Variants in VPS25 observed in about 807,000 individuals in gnomAD.
VPS25 encodes vacuolar protein sorting 25 homolog, also known as vacuolar protein-sorting-associated protein 25.
In VPS25, 21 loss-of-function variants were observed where a neutral mutation model predicts 30.3. The observed-to-expected ratio is 0.69, with a 90% confidence interval of 0.49 to 1.00. The LOEUF (loss-of-function observed/expected upper bound fraction) is 1.00. Ranked by LOEUF, VPS25 falls within the 50% of genes least tolerant of loss-of-function variation. The pLI, the probability that VPS25 is intolerant of heterozygous loss-of-function variation, is 0.00. For missense variants in VPS25, 156 were observed against 217.2 expected (o/e 0.72, Z 1.77); for synonymous variants, 101 against 88.1 (o/e 1.15, Z -0.82).
At position 42,773,597 on chromosome 17, in the gene VPS25, G is replaced by C. The variant is rs376779900; in HGVS notation, c.53+69G>C. On this transcript the variant is annotated intron_variant, in intron 1 of 5. Coordinates refer to ENST00000253794, the MANE Select transcript of VPS25 (RefSeq NM_032353.4). ...TCCCCCGGACCCTGGGCTCAGCCCTGATGCTTCATATGGGGAGGGGGAGAA... is the reference window on the plus strand; with the variant it reads ...TCCCCCGGACCCTGGGCTCAGCCCTCATGCTTCATATGGGGAGGGGGAGAA... The C allele has an allele frequency of 1.0e-3, 1,617 of 1,611,244 alleles. 1 individual carries two copies. The highest frequency in any genetic ancestry group is 1.2e-3 in the Non-Finnish European group (1,449 of 1,177,510).
chr17:42,777,216 C>T (rs1407653442), intron 5 of VPS25, among the ~76,000 whole-genome samples: 1 of 151,670 alleles, frequency 6.6e-6, no homozygotes, highest in African/African-American at 2.4e-5. Flanking sequence ...GAGATGCTAT[C>T]TTAAAAAATA....
At position 42,775,459 on chromosome 17, in the gene VPS25, T is replaced by C; in HGVS notation, c.332T>C (p.Ile111Thr). 6.2e-7 allele frequency: 1 copy of C among 1,613,538 alleles called. No homozygotes were observed. The highest frequency in any genetic ancestry group is 1.1e-5 in the South Asian group (1 of 91,062). ...WRRPEEWGKL[I>T]YQWVSRSGQN... Reference sequence around the variant, plus strand: ...AGGCCAGAAGAATGGGGGAAACTCATCTATCAGTGGGTGAGATCATTATTC... The same window carrying C: ...AGGCCAGAAGAATGGGGGAAACTCACCTATCAGTGGGTGAGATCATTATTC... The change falls in exon 4 of 6, where the codon ATC (isoleucine) becomes ACC (threonine). Residue 111 changes from isoleucine to threonine, a missense_variant. By Grantham distance (89) the Ile-to-Thr change is moderately conservative. Transcript: ENST00000253794.
chr17:42,778,527 C>A (rs996022782), intron 5 of VPS25, among the ~76,000 whole-genome samples: 49 of 152,204 alleles, frequency 3.2e-4, no homozygotes, highest in African/African-American at 1.0e-3. Context: ...GATAATAGTG[C>A]TGGAGTTTAA....
At chr17:42,773,633 G>A in intron 1 of VPS25, 100 bp from the exon 2 acceptor site, 1 of 1,605,224 alleles carries the variant, frequency 6.2e-7, no homozygotes, top group South Asian at 1.1e-5. Flanking sequence ...AAGACCCGTC[G>A]GCCAACACCC....
At chr17:42,775,610 T>A in intron 4 of VPS25, 141 bp downstream of exon 4, 1 of 621,448 alleles carries the variant, frequency 1.6e-6, no homozygotes, top group Non-Finnish European at 2.7e-6. Context: ...GTAGGCCTTC[T>A]AGGGAAACCT....
At chr17:42,774,879 ATC>A (rs1270060135) in intron 3 of VPS25, 180 bp downstream of exon 3, 3 of 529,518 alleles carry the variant, frequency 5.7e-6, no homozygotes, top group Non-Finnish European at 6.7e-6. Context: ...CAAAATTGAA[ATC>A]TCTGTCTGTG....
chr17:42,777,837 C>A (rs2054444539), intron 5 of VPS25, among the ~76,000 whole-genome samples: 2 of 152,306 alleles, frequency 1.3e-5, no homozygotes, highest in Admixed American at 6.5e-5. Flanking sequence ...CTCTGGATCA[C>A]CACAAGTTTC....
At chr17:42,774,387 TTTTG>T in intron 2 of VPS25, 2 of 360,314 alleles carry the variant, frequency 5.6e-6, no homozygotes, top group Non-Finnish European at 9.9e-6. Flanking sequence ...TTTTTTTTTT[TTTTG>T]GAGACAGGGT....
intron 5 of VPS25, among the ~76,000 whole-genome samples, chr17:42,777,449 G>A (rs147999656): frequency 0.023 from 3,456 of 152,338 alleles, 124 homozygotes; most frequent in African/African-American, 0.078. Context: ...CGAAGGCAGA[G>A]GTTGCAGTAA....
intron 2 of VPS25, 40 bp downstream of exon 2, chr17:42,773,918 A>C: frequency 6.3e-7 from 1 of 1,581,760 alleles, no homozygotes; most frequent in Non-Finnish European, 8.6e-7. Flanking sequence ...ATACACATGC[A>C]CTTCTGCGCT....
chr17:42,778,753 C>G (rs2054450031), intron 5 of VPS25, among the ~76,000 whole-genome samples: 1 of 152,214 alleles, frequency 6.6e-6, no homozygotes, highest in Admixed American at 6.5e-5. Flanking sequence ...GGGAAATAAG[C>G]ACAAACTCAT....
At chr17:42,773,607 A>G (rs2054421130) in intron 1 of VPS25, 79 bp downstream of exon 1, 1 of 1,608,304 alleles carries the variant, frequency 6.2e-7, no homozygotes, top group South Asian at 1.1e-5. Flanking sequence ...GATGCTTCAT[A>G]TGGGGAGGGG....
At position 42,775,439 on chromosome 17, in the gene VPS25, A is replaced by G. The variant is rs769010063; in HGVS notation, c.312A>G (p.Pro104=). ...KSSFLIMWRR[P]EEWGKLIYQW... ...GCTTCCTGATCATGTGGCGGAGGCC[A>G]GAAGAATGGGGGAAACTCATCTATC... Residue 104 remains proline, a synonymous_variant, in exon 4 of 6, where the codon CCA becomes CCG. Coordinates refer to ENST00000253794, the MANE Select transcript of VPS25 (RefSeq NM_032353.4). The G allele has an allele frequency of 6.2e-7, 1 of 1,614,112 alleles. No homozygotes were observed. Among genetic ancestry groups the G allele is most frequent in the Non-Finnish European group, 8.5e-7 (1 of 1,179,978 alleles).
chr17:42,776,206 T>A, intron 4 of VPS25, 39 bp from the exon 5 acceptor site: 1 of 1,562,846 alleles, frequency 6.4e-7, no homozygotes, highest in Non-Finnish European at 8.8e-7. Context: ...CCCAGGAGAT[T>A]CTTGGTTCTA....
At chr17:42,775,580 AG>A in intron 4 of VPS25, 111 bp downstream of exon 4, 1 of 821,256 alleles carries the variant, frequency 1.2e-6, no homozygotes, top group Non-Finnish European at 1.9e-6. Flanking sequence ...CAAAATGGGG[AG>A]GGGGCAGAAA....
rs746650906 is a variant in VPS25, at chr17:42,773,817, G to GTCCA, written c.139_142dup (p.Ser48IlefsTer46). On this transcript the variant is annotated frameshift_variant, in exon 2 of 6. Coordinates refer to ENST00000253794, the MANE Select transcript of VPS25 (RefSeq NM_032353.4). LOFTEE classifies it high-confidence loss of function. ...TGTCCTTCTGCCGCCTGCACAAACA[G>GTCCA]TCCAGCATGACGGTGATGGAAGCTC... is the stretch of plus-strand genomic sequence containing the variant. 3.1e-6 allele frequency: 5 copies of GTCCA among 1,613,996 alleles called. No homozygotes were observed.
chr17:42,774,897 A>T, intron 3 of VPS25, 198 bp downstream of exon 3: 1 of 498,900 alleles, frequency 2.0e-6, no homozygotes, highest in South Asian at 3.9e-5. Context: ...CTGTGCCCTA[A>T]ACCTGAAGAG....
intron 5 of VPS25, among the ~76,000 whole-genome samples, chr17:42,776,703 C>T (rs2054438521): frequency 6.6e-6 from 1 of 150,654 alleles, no homozygotes; most frequent in Non-Finnish European, 1.5e-5. Flanking sequence ...CACTGTATCC[C>T]AGGCTGGAGT....
At chr17:42,775,820 A>G (rs1299876899) in intron 4 of VPS25, among the ~76,000 whole-genome samples, 1 of 152,180 alleles carries the variant, frequency 6.6e-6, no homozygotes. Flanking sequence ...CTGCACTGTT[A>G]TGGGACTGTC....
Sources: gnomAD v4.1 joint callset for allele counts (sites outside exome capture counted in the v4.1 genomes callset) on GRCh38, gnomAD v4.1.1 for gene constraint, MANE v1.5 for transcripts, NCBI Gene and HGNC (gene_info 2026-07-23, HGNC 2026-07-21) for gene names.